Variants in PRKG1 observed in about 807,000 individuals in gnomAD.
The protein encoded by PRKG1 is cGMP-dependent protein kinase 1.
In PRKG1, 35 loss-of-function variants were observed where a neutral mutation model predicts 88.1. The observed-to-expected ratio is 0.40, with a 90% CI of 0.30 to 0.53. The LOEUF (loss-of-function observed/expected upper bound fraction) is 0.53. Ranked by LOEUF, PRKG1 falls within the 20% of genes least tolerant of loss-of-function variation. The pLI is 0.59. For synonymous variants in PRKG1, 303 were observed against 292.5 expected, an observed-to-expected ratio of 1.04 and a Z score of -0.37; for missense variants, 540 against 839.8, an observed-to-expected ratio of 0.64 and a Z score of 4.41.
rs865813897 is a variant in PRKG1, at chr10:51,719,185, C to G, written c.593-85400C>G. On this transcript the variant is annotated intron_variant, in intron 3 of 17. Coordinates refer to ENST00000373980, the MANE Select transcript of PRKG1 (RefSeq NM_006258.4). The stretch of plus-strand genomic sequence containing the variant: ...GAGAGAGAGAGAGGGAAATTCCAAG[C>G]AGTAAATATAGATCTTCCCTCCTTG... Among the ~76,000 whole-genome samples, 22 of 151,206 alleles carry G rather than the reference C, an allele frequency of 1.5e-4. 1 individual carries two copies. The South Asian group carries it at 4.4e-3, about 30-fold the overall frequency.
At chr10:51,790,426 A>G (rs890406920) in intron 3 of PRKG1, among the ~76,000 whole-genome samples, 7 of 152,168 alleles carry the variant, frequency 4.6e-5, no homozygotes, top group Non-Finnish European at 7.3e-5. Context: ...TTTCACTCAT[A>G]TCTGAGAATA....
chr10:51,625,675 G>A (rs899032017), intron 3 of PRKG1, among the ~76,000 whole-genome samples: 6 of 151,708 alleles, frequency 4.0e-5, no homozygotes, highest in African/African-American at 1.5e-4. Flanking sequence ...TTTAAAATGG[G>A]TGGAGTTTAT....
At chr10:51,161,534 T>A (rs1589209367) in intron 2 of PRKG1, among the ~76,000 whole-genome samples, 1 of 152,304 alleles carries the variant, frequency 6.6e-6, no homozygotes, top group African/African-American at 2.4e-5. Context: ...GTGTGGCTTT[T>A]CTTATTTTGG....
chr10:51,571,799 A>G (rs1837760582), intron 3 of PRKG1, among the ~76,000 whole-genome samples: 1 of 151,918 alleles, frequency 6.6e-6, no homozygotes, highest in Non-Finnish European at 1.5e-5. Flanking sequence ...TTGAATTTCT[A>G]CTAGTACCTT....
At position 51,890,719 on chromosome 10, in the gene PRKG1, G is replaced by T. The variant is rs1002064452; in HGVS notation, c.699-16788G>T. Among the ~76,000 whole-genome samples the T allele has an allele frequency of 2.0e-5, 3 of 152,184 alleles. No homozygotes were observed. In the South Asian group the frequency reaches 6.2e-4, roughly 31 times the overall value. On this transcript the variant is annotated intron_variant, in intron 4 of 17. Transcript: ENST00000373980. ...GCCTGTAATCCTGTCACTTTGGGAG[G>T]TCAAGGCGGGTGGATCACATGAGGC...
Position 52,157,452 on chromosome 10 carries a change from A to G in PRKG1, c.1002-4437A>G, listed in dbSNP as rs191938262. ...GACTGCCTTTCTAATAATTTAAAAG[A>G]CCATTTCTGTCTAGATGAAGTCTCA... On this transcript the variant is annotated intron_variant, in intron 8 of 17. Coordinates refer to ENST00000373980, the MANE Select transcript of PRKG1 (RefSeq NM_006258.4). Among the ~76,000 whole-genome samples the G allele has an allele frequency of 4.0e-5, 6 of 150,900 alleles. No individual in the cohort carries two copies. In the East Asian group the frequency reaches 7.8e-4, roughly 20 times the overall value.
chr10:51,474,726 T>A (rs983030014), intron 3 of PRKG1, among the ~76,000 whole-genome samples: 3 of 151,910 alleles, frequency 2.0e-5, no homozygotes, highest in Non-Finnish European at 2.9e-5. Context: ...TGGGAAAAAA[T>A]TATTATGTTT....
chr10:51,283,368 G>A (rs1840351279), intron 2 of PRKG1, among the ~76,000 whole-genome samples: 1 of 152,038 alleles, frequency 6.6e-6, no homozygotes, highest in Non-Finnish European at 1.5e-5. Flanking sequence ...TACATTGCCT[G>A]CAATTCTAGA....
intron 3 of PRKG1, among the ~76,000 whole-genome samples, chr10:51,734,836 A>C (rs1222497570): frequency 6.6e-6 from 1 of 152,066 alleles, no homozygotes; most frequent in East Asian, 1.9e-4. Context: ...AAAATGGGCT[A>C]TTGTTCTATT....
intron 5 of PRKG1, among the ~76,000 whole-genome samples, chr10:52,024,316 A>T (rs1277708217): frequency 1.3e-4 from 17 of 131,574 alleles, no homozygotes; most frequent in Non-Finnish European, 2.4e-4. Flanking sequence ...TATTTATTTA[A>T]CTTTTTTTTT....
chr10:51,047,464 T>A (rs1004326502), intron 1 of PRKG1, among the ~76,000 whole-genome samples: 1 of 152,130 alleles, frequency 6.6e-6, no homozygotes, highest in African/African-American at 2.4e-5. Flanking sequence ...CTAGGTCAGT[T>A]TTCCAGAAAG....
intron 12 of PRKG1, among the ~76,000 whole-genome samples, chr10:52,278,506 A>C (rs942500055): frequency 6.6e-6 from 1 of 152,206 alleles, no homozygotes; most frequent in African/African-American, 2.4e-5. Flanking sequence ...AGACACATGC[A>C]CATGTATGTT....
At chr10:52,164,006 G>T (rs75274356) in intron 9 of PRKG1, among the ~76,000 whole-genome samples, 112 of 152,180 alleles carry the variant, frequency 7.4e-4, no homozygotes, top group African/African-American at 2.6e-3. Context: ...TTTTAAAATG[G>T]CGTTTTTGAG....
chr10:51,117,833 A>C (rs1253507046), intron 1 of PRKG1, among the ~76,000 whole-genome samples: 1 of 152,200 alleles, frequency 6.6e-6, no homozygotes, highest in Non-Finnish European at 1.5e-5. Context: ...CTGAGCTTTT[A>C]AGTTGTTTTC....
Position 51,878,175 on chromosome 10 carries a change from A to G in PRKG1, c.699-29332A>G, listed in dbSNP as rs141961153. 2.4e-3 allele frequency among the ~76,000 whole-genome samples: 365 copies of G among 152,228 alleles called. 6 individuals are homozygous for G. Among genetic ancestry groups the G allele is most frequent in the East Asian group, 1.7e-3 (9 of 5,184 alleles). On this transcript the variant is annotated intron_variant, in intron 4 of 17. Coordinates refer to ENST00000373980, the MANE Select transcript of PRKG1 (RefSeq NM_006258.4). ...TAACAGTGTAATAAATAACATATAT[A>G]ATTTAAACATGTATATATAAATATA...
At chr10:51,826,067 G>C (rs1024604411) in intron 4 of PRKG1, among the ~76,000 whole-genome samples, 1 of 152,046 alleles carries the variant, frequency 6.6e-6, no homozygotes, top group African/African-American at 2.4e-5. Flanking sequence ...TAGGGTAAGG[G>C]GCCATCATGA....
chr10:51,008,858 G>A (rs191970113), intron 1 of PRKG1, among the ~76,000 whole-genome samples: 2 of 152,296 alleles, frequency 1.3e-5, no homozygotes, highest in African/African-American at 4.8e-5. Flanking sequence ...ACAAGGTTTT[G>A]TGGAGGCTTT....
intron 3 of PRKG1, among the ~76,000 whole-genome samples, chr10:51,781,540 C>A (rs909194068): frequency 3.3e-5 from 5 of 152,144 alleles, no homozygotes; most frequent in African/African-American, 9.7e-5. Context: ...ACCATCATAA[C>A]AGCAATGGTT....
At chr10:51,887,095 C>A (rs778048329) in intron 4 of PRKG1, among the ~76,000 whole-genome samples, 21 of 152,186 alleles carry the variant, frequency 1.4e-4, no homozygotes, top group Non-Finnish European at 2.1e-4. Flanking sequence ...ACGTGATTCT[C>A]ATGCCTCATC....
Sources: allele counts gnomAD v4.1 joint callset (sites outside exome capture counted in the v4.1 genomes callset), GRCh38; gene constraint gnomAD v4.1.1; transcripts MANE v1.5; gene names NCBI Gene and HGNC (gene_info 2026-07-23, HGNC 2026-07-21).